DAB1: variants seen among roughly 807,000 people sequenced by gnomAD.
DAB1 encodes the protein DAB adaptor protein 1.
Under a neutral mutation model 64.6 loss-of-function variants are expected in DAB1, and 15 were observed. The ratio of observed to expected loss-of-function variants is 0.23; its 90% CI spans 0.16 to 0.36. The LOEUF (loss-of-function observed/expected upper bound fraction) is 0.36. Ranked by LOEUF, DAB1 falls within the 10% of genes least tolerant of loss-of-function variation. DAB1 has a pLI of 1.00. For synonymous variants in DAB1, 235 were observed against 251.9 expected, an observed-to-expected ratio of 0.93 and a Z score of 0.64; for missense variants, 596 against 706.7, an observed-to-expected ratio of 0.84 and a Z score of 1.78.
chr1:58,404,426 T>A (rs537559136), intron 3 of DAB1, among the ~76,000 whole-genome samples: 4 of 152,336 alleles, frequency 2.6e-5, no homozygotes, highest in Non-Finnish European at 2.9e-5. Flanking sequence ...CTGGATTCTA[T>A]AGGTCTCATC....
At chr1:57,360,256 A>T (rs1053678384) in intron 1 of DAB1, among the ~76,000 whole-genome samples, 3 of 152,120 alleles carry the variant, frequency 2.0e-5, no homozygotes, top group Non-Finnish European at 2.9e-5. Context: ...AAAAAAATTT[A>T]AACTCCAAAA....
chr1:57,857,867 G>A (rs201695637), intron 1 of DAB1, among the ~76,000 whole-genome samples: 123 of 82,498 alleles, frequency 1.5e-3, no homozygotes, highest in East Asian at 3.0e-3. Flanking sequence ...AAAAAAAAAA[G>A]AAAAAAGAAA....
At chr1:57,545,787 C>T (rs1163024890) in intron 7 of DAB1, among the ~76,000 whole-genome samples, 1 of 152,188 alleles carries the variant, frequency 6.6e-6, no homozygotes, top group Non-Finnish European at 1.5e-5. Flanking sequence ...GTCTGTCAGA[C>T]ATCCACTAGG....
intron 4 of DAB1, among the ~76,000 whole-genome samples, chr1:58,222,515 C>T (rs540394289): frequency 3.9e-5 from 6 of 152,250 alleles, no homozygotes; most frequent in Admixed American, 1.3e-4. Flanking sequence ...AGACAAATTC[C>T]TTTGAGAAGC....
chr1:58,001,830 G>A (rs1020055409), intron 5 of DAB1, among the ~76,000 whole-genome samples: 2 of 152,278 alleles, frequency 1.3e-5, no homozygotes, highest in Middle Eastern at 3.4e-3. Context: ...AGTACATTAA[G>A]GATGTTGAGA....
chr1:58,048,102 A>C, intron 5 of DAB1: 1 of 852,920 alleles, frequency 1.2e-6, no homozygotes, highest in Non-Finnish European at 1.9e-6. Flanking sequence ...GGCTGAGTTC[A>C]CAAATCTGTT....
intron 2 of DAB1, among the ~76,000 whole-genome samples, chr1:57,253,227 G>A (rs778266462): frequency 7.2e-5 from 11 of 152,128 alleles, no homozygotes; most frequent in Non-Finnish European, 1.5e-4. Flanking sequence ...ACGGGAGGAC[G>A]GAAGGGTAGC....
At chr1:57,645,257 T>C (rs764716976) in intron 7 of DAB1, among the ~76,000 whole-genome samples, 1 of 152,176 alleles carries the variant, frequency 6.6e-6, no homozygotes, top group Non-Finnish European at 1.5e-5. Flanking sequence ...AAAGCTACCA[T>C]GCTATCCAGG....
rs756849681 is a variant in DAB1 at position 57,071,626 on chromosome 1, G to T, written c.454C>A (p.Leu152Met). The change falls in exon 6 of 15, where the codon CTG (leucine) becomes ATG (methionine). Residue 152 changes from leucine (L) to methionine (M), a missense_variant. By Grantham distance (15) the Leu-to-Met change is conservative. Transcript: ENST00000371236. ...AGTTGAAAGAGATCTCTCAAGTCCA[G>T]AATAACAGGTTCAGCCTGGGATGAA... Reference protein sequence around the residue: ...KTAQAAEPVILDLRDLFQLIY... With the variant: ...KTAQAAEPVIMDLRDLFQLIY... 1 of 1,613,300 alleles carries T rather than the reference G, an allele frequency of 6.2e-7. No homozygotes were observed.
chr1:57,914,634 T>TA (rs534134863), intron 5 of DAB1, among the ~76,000 whole-genome samples: 83 of 152,120 alleles, frequency 5.5e-4, no homozygotes, highest in African/African-American at 1.9e-3. Flanking sequence ...ATGACTCTCT[T>TA]AAAAAAAAGT....
chr1:57,647,740 T>C lies in DAB1; in HGVS notation n.625+1852A>G, dbSNP rs143215931. On this transcript the variant is annotated intron_variant and non_coding_transcript_variant, in intron 7 of 20. Coordinates refer to the DAB1 transcript ENST00000485760. ...AAGGTCTTTTGGCACATTGATCTTC[T>C]TAACAATCACAGAAGATAGATATTA... 5.3e-5 allele frequency among the ~76,000 whole-genome samples: 8 copies of C among 152,362 alleles called. No individual in the cohort carries two copies. The East Asian group carries it at 1.5e-3, about 29-fold the overall frequency.
intron 5 of DAB1, among the ~76,000 whole-genome samples, chr1:57,897,253 T>C (rs774049546): frequency 2.0e-5 from 3 of 152,208 alleles, no homozygotes; most frequent in Non-Finnish European, 2.9e-5. Flanking sequence ...GTATTCTCCT[T>C]ACTCATAATA....
chr1:57,999,384 C>T (rs993318116), intron 5 of DAB1, among the ~76,000 whole-genome samples: 3 of 152,130 alleles, frequency 2.0e-5, no homozygotes, highest in Non-Finnish European at 4.4e-5. Flanking sequence ...AAATCGATTG[C>T]CTCAAAATCT....
chr1:57,612,213 G>A (rs1400642464), intron 7 of DAB1, among the ~76,000 whole-genome samples: 2 of 150,984 alleles, frequency 1.3e-5, no homozygotes. Context: ...GTGTGTGTGT[G>A]TGTGTGCATG....
chr1:58,198,422 T>A (rs1392903622), intron 4 of DAB1, among the ~76,000 whole-genome samples: 1 of 152,150 alleles, frequency 6.6e-6, no homozygotes, highest in Non-Finnish European at 1.5e-5. Context: ...ATAAGACAGA[T>A]TCATTGTGGA....
chr1:57,742,280 T>A (rs941791365), intron 6 of DAB1, among the ~76,000 whole-genome samples: 1 of 152,176 alleles, frequency 6.6e-6, no homozygotes, highest in Non-Finnish European at 1.5e-5. Context: ...CAGCAGCAGA[T>A]GATGGACCAT....
chr1:58,313,055 T>C (rs760822092), intron 4 of DAB1, among the ~76,000 whole-genome samples: 12 of 152,112 alleles, frequency 7.9e-5, no homozygotes, highest in Non-Finnish European at 1.8e-4. Context: ...ACCCCAGCAT[T>C]ACTACCTCCA....
At chr1:57,094,089 C>T (rs1323606169) in intron 4 of DAB1, among the ~76,000 whole-genome samples, 1 of 144,148 alleles carries the variant, frequency 6.9e-6, no homozygotes, top group Non-Finnish European at 1.5e-5. Context: ...AGCCTGGGTG[C>T]CAGAGTGAGA....
intron 7 of DAB1, among the ~76,000 whole-genome samples, chr1:57,526,591 C>A (rs1286988173): frequency 2.0e-5 from 3 of 152,122 alleles, no homozygotes; most frequent in Admixed American, 2.0e-4. Context: ...GAGAAAGGCC[C>A]AGGTAAGCAG....
Sources: gnomAD v4.1 joint callset for allele counts (sites outside exome capture counted in the v4.1 genomes callset) on GRCh38, gnomAD v4.1.1 for gene constraint, MANE v1.5 for transcripts, NCBI Gene and HGNC (gene_info 2026-07-23, HGNC 2026-07-21) for gene names.